The following NALF1 variants were observed in gnomAD, a reference collection of about 807,000 sequenced individuals.
The protein encoded by NALF1 is family with sequence similarity 155 member A.
A neutral mutation model predicts 48.4 loss-of-function variants in NALF1; 3 were observed. That is an observed-to-expected ratio of 0.06 (90% confidence interval 0.03 to 0.16). The LOEUF is 0.16. NALF1 is among the 10% of genes least tolerant of loss of function. The probability of loss-of-function intolerance (pLI) is 1.00; values close to 1 mark genes in which losing one functional copy is unlikely to be tolerated. For missense variants in NALF1, 526 were observed against 571.5 expected, an observed-to-expected ratio of 0.92 and a Z score of 0.81; for synonymous variants, 262 against 245.7, an observed-to-expected ratio of 1.07 and a Z score of -0.62.
intron 1 of NALF1, among the ~76,000 whole-genome samples, chr13:107,744,302 T>C (rs1279621300): frequency 6.6e-6 from 1 of 152,174 alleles, no homozygotes; most frequent in Non-Finnish European, 1.5e-5. Flanking sequence ...AGATAATGCA[T>C]TTAAAGTCCA....
chr13:107,391,996 T>C (rs541165673), intron 1 of NALF1, among the ~76,000 whole-genome samples: 1 of 152,270 alleles, frequency 6.6e-6, no homozygotes, highest in South Asian at 2.1e-4. Flanking sequence ...GACACTGTTG[T>C]AGATCCTTTG....
At chr13:107,311,185 G>A (rs893257606) in intron 1 of NALF1, among the ~76,000 whole-genome samples, 4 of 151,970 alleles carry the variant, frequency 2.6e-5, no homozygotes, top group African/African-American at 9.7e-5. Context: ...TTGCTTGAAG[G>A]TACTTCATCT....
At chr13:107,647,611 T>C (rs1374183290) in intron 1 of NALF1, among the ~76,000 whole-genome samples, 1 of 152,166 alleles carries the variant, frequency 6.6e-6, no homozygotes, top group African/African-American at 2.4e-5. Context: ...AAAAAAGGTA[T>C]GTACTTTAGA....
At chr13:107,199,859 A>T (rs1212787652) in intron 2 of NALF1, among the ~76,000 whole-genome samples, 2 of 152,204 alleles carry the variant, frequency 1.3e-5, no homozygotes, top group Admixed American at 6.5e-5. Flanking sequence ...CCTTCACAGC[A>T]TTGCCACAGA....
chr13:107,401,390 C>T (rs756758109), intron 1 of NALF1, among the ~76,000 whole-genome samples: 3 of 152,114 alleles, frequency 2.0e-5, no homozygotes, highest in South Asian at 2.1e-4. Flanking sequence ...ATTTGGCCAA[C>T]GTGGAAATCT....
At chr13:107,413,798 A>AT (rs1447378084) in intron 1 of NALF1, among the ~76,000 whole-genome samples, 2 of 152,036 alleles carry the variant, frequency 1.3e-5, no homozygotes, top group Non-Finnish European at 2.9e-5. Flanking sequence ...TTAATATTTT[A>AT]TTTTTTGTGA....
intron 1 of NALF1, among the ~76,000 whole-genome samples, chr13:107,702,844 G>C (rs1881856513): frequency 6.6e-6 from 1 of 152,080 alleles, no homozygotes; most frequent in East Asian, 1.9e-4. Flanking sequence ...ACATCATCCA[G>C]CTCCATCCAT....
At chr13:107,343,469 G>C (rs1052943406) in intron 1 of NALF1, among the ~76,000 whole-genome samples, 3 of 152,024 alleles carry the variant, frequency 2.0e-5, no homozygotes, top group African/African-American at 7.3e-5. Context: ...AAAAAGAGGA[G>C]TTCCCCTGCA....
At chr13:107,213,247 A>AAAG (rs1555326888) in intron 1 of NALF1, among the ~76,000 whole-genome samples, 1 of 145,130 alleles carries the variant, frequency 6.9e-6, no homozygotes, top group African/African-American at 2.6e-5. Flanking sequence ...AAAAAAAAAA[A>AAAG]AAAGAAAAGA....
At chr13:107,286,266 C>T (rs1413112269) in intron 1 of NALF1, among the ~76,000 whole-genome samples, 1 of 152,116 alleles carries the variant, frequency 6.6e-6, no homozygotes, top group Non-Finnish European at 1.5e-5. Context: ...GTATATACCC[C>T]TCCAAAATTG....
At chr13:107,212,954 C>G (rs561556006) in intron 1 of NALF1, among the ~76,000 whole-genome samples, 14 of 152,072 alleles carry the variant, frequency 9.2e-5, no homozygotes, top group Non-Finnish European at 1.9e-4. Flanking sequence ...ATTGGGGTCC[C>G]CATTCCCACC....
At chr13:107,723,269 T>G (rs191103062) in intron 1 of NALF1, among the ~76,000 whole-genome samples, 10 of 152,288 alleles carry the variant, frequency 6.6e-5, no homozygotes, top group African/African-American at 2.4e-4. Flanking sequence ...TTTCTAGATG[T>G]GTTGGTGTGG....
intron 1 of NALF1, among the ~76,000 whole-genome samples, chr13:107,675,704 T>C (rs1446560812): frequency 1.3e-5 from 2 of 152,192 alleles, no homozygotes; most frequent in Non-Finnish European, 2.9e-5. Context: ...TGCCTGGTTC[T>C]ATCACCAACG....
intron 1 of NALF1, among the ~76,000 whole-genome samples, chr13:107,797,413 G>A (rs1052022655): frequency 6.6e-6 from 1 of 152,038 alleles, no homozygotes; most frequent in African/African-American, 2.4e-5. Context: ...GTTTCACCGT[G>A]TTGGCCAGGA....
intron 1 of NALF1, among the ~76,000 whole-genome samples, chr13:107,480,102 G>A (rs1211671616): frequency 6.6e-6 from 1 of 152,160 alleles, no homozygotes; most frequent in Non-Finnish European, 1.5e-5. Flanking sequence ...ACTTACTCAT[G>A]ATTTGGAGAC....
intron 1 of NALF1, among the ~76,000 whole-genome samples, chr13:107,313,943 T>C (rs1288460527): frequency 6.6e-6 from 1 of 152,178 alleles, no homozygotes; most frequent in Admixed American, 6.5e-5. Context: ...TGGGTACATG[T>C]TGTCAGGACC....
intron 2 of NALF1, among the ~76,000 whole-genome samples, chr13:107,184,012 T>C (rs1383967004): frequency 6.6e-6 from 1 of 151,788 alleles, no homozygotes; most frequent in Non-Finnish European, 1.5e-5. Flanking sequence ...AGAGTCTCAC[T>C]CTGTTGCCGG....
At chr13:107,524,653 C>T (rs1876367161) in intron 1 of NALF1, among the ~76,000 whole-genome samples, 1 of 152,060 alleles carries the variant, frequency 6.6e-6, no homozygotes, top group Admixed American at 6.6e-5. Flanking sequence ...AGCCTCAAAG[C>T]ACTTTGCAGC....
At chr13:107,857,532 T>C (rs1880468404) in intron 1 of NALF1, among the ~76,000 whole-genome samples, 2 of 152,186 alleles carry the variant, frequency 1.3e-5, no homozygotes, top group Admixed American at 1.3e-4. Context: ...AACCAAAGTG[T>C]TCAAGGCCTT....
Sources: gnomAD v4.1 joint callset for allele counts (sites outside exome capture counted in the v4.1 genomes callset) on GRCh38, gnomAD v4.1.1 for gene constraint, MANE v1.5 for transcripts, NCBI Gene and HGNC (gene_info 2026-07-23, HGNC 2026-07-21) for gene names.